CA1: variants seen among roughly 807,000 people sequenced by gnomAD.
CA1 encodes the protein carbonic anhydrase 1.
In CA1, 27 loss-of-function variants were observed where a neutral mutation model predicts 28.8. The observed-to-expected ratio is 0.94, with a 90% CI of 0.69 to 1.29. The LOEUF (loss-of-function observed/expected upper bound fraction) is 1.29, where lower values mean the gene tolerates loss of function less well. Ranked by LOEUF, CA1 falls within the 50% of genes most tolerant of loss-of-function variation. CA1 has a pLI of 0.00. For missense variants in CA1, 335 were observed against 310.5 expected, an observed-to-expected ratio of 1.08 and a Z score of -0.59; for synonymous variants, 121 against 108.8, an observed-to-expected ratio of 1.11 and a Z score of -0.70.
At chr8:85,330,199 C>G (rs1808344502) in intron 6 of CA1, among the ~76,000 whole-genome samples, 1 of 151,876 alleles carries the variant, frequency 6.6e-6, no homozygotes, top group African/African-American at 2.4e-5. Context: ...GGAATGATGC[C>G]AGATTCTATT....
chr8:85,372,264 T>G (rs1810256697), intron 1 of CA1, among the ~76,000 whole-genome samples: 1 of 152,014 alleles, frequency 6.6e-6, no homozygotes, highest in Admixed American at 6.6e-5. Context: ...TTTGTACTCA[T>G]CAGACGGCTA....
Position 85,362,910 on chromosome 8 carries a change from A to C in CA1, c.-25+15136T>G, listed in dbSNP as rs191689190. 1.5e-3 allele frequency among the ~76,000 whole-genome samples: 233 copies of C among 152,308 alleles called. 2 individuals carry two copies. The highest frequency in any genetic ancestry group is 1.1e-3 in the Non-Finnish European group (76 of 68,022). The stretch of plus-strand genomic sequence containing the variant: ...TGAGAAGAAGCAATTAAAAAAACTA[A>C]AGATGTGTAGTTTGGCAGAATGATT... On this transcript the variant is annotated intron_variant, in intron 1 of 7. Transcript: ENST00000523022.
chr8:85,348,890 T>C, intron 1 of CA1, among the ~76,000 whole-genome samples: 1 of 152,156 alleles, frequency 6.6e-6, no homozygotes, highest in East Asian at 1.9e-4. Context: ...ATAGAAAACT[T>C]TGTGGGCTAT....
chr8:85,367,511 T>C (rs554888809), intron 1 of CA1, among the ~76,000 whole-genome samples: 1 of 152,362 alleles, frequency 6.6e-6, no homozygotes, highest in East Asian at 1.9e-4. Context: ...TTCTGAAGCA[T>C]GTAAAAAATC....
Position 85,329,740 on chromosome 8 carries a change from C to T in CA1, c.618G>A (p.Glu206=). The T allele has an allele frequency of 6.2e-7, 1 of 1,608,758 alleles. No individual in the cohort carries two copies. Among genetic ancestry groups the T allele is most frequent in the Non-Finnish European group, 8.5e-7 (1 of 1,177,198 alleles). The change falls in exon 7 of 8, where the codon GAG becomes GAA. Residue 206 remains glutamate (E), a synonymous_variant. Transcript: ENST00000523022. ...CCTTACAGATGATCCAAGTTACACT[C>T]TCATAAAGAGGAGGATGAGTCAGAG... ...PGSLTHPPLY[E]SVTWIICKES...
rs889514692 is a variant in CA1 at position 85,327,904 on chromosome 8, A to T, written c.*656T>A. The T allele has an allele frequency of 6.6e-6, 1 of 152,214 alleles. No homozygotes were observed. Among genetic ancestry groups the T allele is most frequent in the Non-Finnish European group, 1.5e-5 (1 of 68,036 alleles). 9.4% of individuals were successfully genotyped at this position (152,214 alleles called of 1,614,324 possible). On this transcript the variant is annotated 3_prime_UTR_variant, in exon 8 of 8. Transcript: ENST00000523022. ...TAACTAGTTGTAATAATGGCAGAGA[A>T]GCATTGTCCTTGCTAACGTGGGGAG...
chr8:85,333,691 TTGTTACCA>T, intron 4 of CA1, 71 bp from the exon 5 acceptor site: 1 of 979,730 alleles, frequency 1.0e-6, no homozygotes, highest in Non-Finnish European at 1.6e-6. Flanking sequence ...ATAAGTTAAC[TTGTTACCA>T]TATGATGATG....
At chr8:85,335,887 A>G (rs1585919250) in intron 4 of CA1, among the ~76,000 whole-genome samples, 2 of 152,172 alleles carry the variant, frequency 1.3e-5, no homozygotes, top group African/African-American at 4.8e-5. Context: ...TTTGTATACA[A>G]TCTGCTGATG....
rs540297948 is a variant in CA1, at chr8:85,337,481, A to C, written c.236-418T>G. Among the ~76,000 whole-genome samples the C allele has an allele frequency of 2.0e-5, 3 of 152,286 alleles. No homozygotes were observed. In the East Asian group the frequency reaches 5.8e-4, roughly 29 times the overall value. On this transcript the variant is annotated intron_variant, in intron 3 of 7. Transcript: ENST00000523022. ...TATTTTGAGTAATGAACCATTCATC[A>C]CCTACTGTGTAACTGATGAAGACAC...
At chr8:85,341,465 T>A (rs1428388047) in intron 2 of CA1, 134 bp downstream of exon 2, 4 of 668,898 alleles carry the variant, frequency 6.0e-6, no homozygotes, top group Non-Finnish European at 8.1e-6. Context: ...CATGCAAAGA[T>A]AGTATAATTA....
In CA1 at chr8:85,336,977, G is replaced by A. The variant is rs568767251; in HGVS notation, c.322C>T (p.His108Tyr). 1.3e-4 allele frequency: 205 copies of A among 1,611,138 alleles called. 1 individual carries two copies. In the South Asian group the frequency reaches 1.9e-3, roughly 15 times the overall value. ...GAATATTTGACTCCATCCACTGTATGTTCTGAACCATGCTCATTTGTACTG... is the reference window on the plus strand; with the variant it reads ...GAATATTTGACTCCATCCACTGTATATTCTGAACCATGCTCATTTGTACTG... ...WGSTNEHGSE[H>Y]TVDGVKYSAE... Residue 108 changes from histidine to tyrosine, a missense_variant, in exon 4 of 8, where the codon CAT (histidine) becomes TAT (tyrosine). Transcript: ENST00000523022.
At chr8:85,347,791 C>T (rs1429968160) in intron 1 of CA1, among the ~76,000 whole-genome samples, 5 of 152,132 alleles carry the variant, frequency 3.3e-5, no homozygotes, top group African/African-American at 7.2e-5. Context: ...AAAATTCTTT[C>T]TGACATCTTT....
intron 1 of CA1, among the ~76,000 whole-genome samples, chr8:85,376,122 G>A (rs548451196): frequency 3.3e-5 from 5 of 152,258 alleles, no homozygotes; most frequent in Admixed American, 1.3e-4. Flanking sequence ...CTTGAGGTTA[G>A]GAGTTCAGGA....
In CA1 at chr8:85,341,677, AC is replaced by A. The variant is rs1808940104; in HGVS notation, c.-24-19del. On this transcript the variant is annotated intron_variant, in intron 1 of 7. Transcript: ENST00000523022. Reference sequence around the variant, plus strand: ...TTCTTTTTCTGAAAACAAAAATAATACCTGGAATAACTAACTGCAACTGTGC... The same window carrying A: ...TTCTTTTTCTGAAAACAAAAATAATACTGGAATAACTAACTGCAACTGTGC... 7.6e-7 allele frequency: 1 copy of A among 1,312,590 alleles called. No homozygotes were observed. The highest frequency in any genetic ancestry group is 1.1e-6 in the Non-Finnish European group (1 of 905,708). The allele number at this position is 1,312,590 out of a possible 1,614,324, so 81.3% of individuals were successfully genotyped here.
chr8:85,347,739 T>C (rs1809257167), intron 1 of CA1, among the ~76,000 whole-genome samples: 1 of 151,760 alleles, frequency 6.6e-6, no homozygotes, highest in Non-Finnish European at 1.5e-5. Context: ...GTCCAGAAAA[T>C]TTTTCCTTCT....
Position 85,329,567 on chromosome 8 carries a change from G to C in CA1, c.669+122C>G. ...TATGTCCCCAAATTAATATTTTTAA[G>C]TTGGGAGGAAAAATGAACTTCTCAC... On this transcript the variant is annotated intron_variant, in intron 7 of 7. Coordinates refer to ENST00000523022, the MANE Select transcript of CA1 (RefSeq NM_001128831.4). 3 of 865,192 alleles carry C rather than the reference G, an allele frequency of 3.5e-6. No homozygotes were observed. The South Asian group carries it at 4.3e-5, about 12-fold the overall frequency. 53.6% of individuals were successfully genotyped at this position (865,192 alleles called of 1,614,324 possible).
At chr8:85,348,006 T>C (rs536799238) in intron 1 of CA1, among the ~76,000 whole-genome samples, 6 of 152,316 alleles carry the variant, frequency 3.9e-5, no homozygotes, top group African/African-American at 1.4e-4. Flanking sequence ...TGGGAATCTA[T>C]GTTTTTAACA....
intron 1 of CA1, among the ~76,000 whole-genome samples, chr8:85,350,441 C>T (rs886369941): frequency 5.3e-5 from 8 of 152,158 alleles, no homozygotes; most frequent in African/African-American, 1.9e-4. Flanking sequence ...AATTGCATCG[C>T]CTTGCACCTA....
intron 1 of CA1, among the ~76,000 whole-genome samples, chr8:85,363,616 A>T (rs1809886593): frequency 6.6e-6 from 1 of 152,164 alleles, no homozygotes; most frequent in Non-Finnish European, 1.5e-5. Context: ...CTTGTGGTAA[A>T]TGCTGCCAAT....
Sources: allele counts gnomAD v4.1 joint callset (sites outside exome capture counted in the v4.1 genomes callset), GRCh38; gene constraint gnomAD v4.1.1; transcripts MANE v1.5; gene names NCBI Gene and HGNC (gene_info 2026-07-23, HGNC 2026-07-21).